The following MAGI1 variants were observed in gnomAD, a reference collection of about 807,000 sequenced individuals.
MAGI1 encodes membrane associated guanylate kinase, WW and PDZ domain containing 1, also known as membrane-associated guanylate kinase, WW and PDZ domain-containing protein 1.
A neutral mutation model predicts 139.9 loss-of-function variants in MAGI1; 58 were observed. The ratio of observed to expected loss-of-function variants is 0.41; its 90% CI spans 0.34 to 0.52. MAGI1 has a LOEUF of 0.52. Ranked by LOEUF, MAGI1 falls within the 20% of genes least tolerant of loss-of-function variation. MAGI1 has a pLI of 0.12. For missense variants in MAGI1, 1,874 were observed against 1,901.6 expected, an observed-to-expected ratio of 0.99 and a Z score of 0.27; for synonymous variants, 812 against 737.9, an observed-to-expected ratio of 1.10 and a Z score of -1.63.
At chr3:66,020,643 A>G (rs1040718730) in intron 1 of MAGI1, among the ~76,000 whole-genome samples, 1 of 152,182 alleles carries the variant, frequency 6.6e-6, no homozygotes, top group Non-Finnish European at 1.5e-5. Context: ...TCTAAGTTAT[A>G]TGCATCAGTT....
chr3:65,746,288 C>G (rs1020728875), intron 1 of MAGI1, among the ~76,000 whole-genome samples: 55 of 152,156 alleles, frequency 3.6e-4, no homozygotes, highest in Non-Finnish European at 5.9e-5. Context: ...CCTGCCTTGG[C>G]CTTCCAAAGT....
chr3:65,488,142 C>T (rs1285001807), intron 3 of MAGI1, among the ~76,000 whole-genome samples: 1 of 152,064 alleles, frequency 6.6e-6, no homozygotes, highest in African/African-American at 2.4e-5. Context: ...ATCATCACAT[C>T]GTTCTCTGTG....
intron 2 of MAGI1, among the ~76,000 whole-genome samples, chr3:65,580,068 T>C (rs555653239): frequency 6.6e-6 from 1 of 152,290 alleles, no homozygotes; most frequent in South Asian, 2.1e-4. Flanking sequence ...CTTAACTCCA[T>C]ATTAAATAAA....
chr3:65,687,337 C>T (rs959451133), intron 1 of MAGI1: 1 of 247,584 alleles, frequency 4.0e-6, no homozygotes, highest in Non-Finnish European at 8.6e-6. Context: ...GTGGTGGACA[C>T]TTGGGCTCCA....
chr3:65,748,560 G>T (rs1306209020), intron 1 of MAGI1, among the ~76,000 whole-genome samples: 1 of 152,182 alleles, frequency 6.6e-6, no homozygotes, highest in Admixed American at 6.5e-5. Flanking sequence ...AACACAGTGA[G>T]GGGCAGGCTA....
At chr3:65,844,935 T>C (rs1197844078) in intron 1 of MAGI1, among the ~76,000 whole-genome samples, 1 of 152,154 alleles carries the variant, frequency 6.6e-6, no homozygotes, top group Non-Finnish European at 1.5e-5. Context: ...TTCCTTCATC[T>C]GAGTATTTCC....
rs909810345 is a variant in MAGI1, at chr3:65,580,521, A to C, written c.430+41451T>G. The stretch of plus-strand genomic sequence containing the variant: ...CAGAATAAAAAGAATCCTCTGAACC[A>C]GTTCTTCCTTACTCCTAACACAGGT... On this transcript the variant is annotated intron_variant, in intron 2 of 22. Transcript: ENST00000402939. Among the ~76,000 whole-genome samples the C allele has an allele frequency of 6.0e-4, 92 of 152,330 alleles. 1 individual carries two copies. Among genetic ancestry groups the C allele is most frequent in the African/African-American group, 2.1e-3 (86 of 41,570 alleles).
intron 2 of MAGI1, among the ~76,000 whole-genome samples, chr3:65,547,758 T>C (rs1248436805): frequency 6.6e-6 from 1 of 152,188 alleles, no homozygotes; most frequent in Admixed American, 6.5e-5. Context: ...GAAGAGCTGA[T>C]AGCAGTGTTT....
rs1044680713 is a variant in MAGI1 at position 65,744,453 on chromosome 3, T to C, written c.314-122365A>G. 7.9e-5 allele frequency among the ~76,000 whole-genome samples: 12 copies of C among 152,212 alleles called. No homozygotes were observed. In the East Asian group the frequency reaches 2.1e-3, roughly 27 times the overall value. ...AATAAATGAAATGGGGAAGTCAGCA[T>C]AACAAGAATAGGCTGAGAAAGATTA... On this transcript the variant is annotated intron_variant, in intron 1 of 22. Transcript: ENST00000402939.
intron 1 of MAGI1, among the ~76,000 whole-genome samples, chr3:65,839,590 A>T (rs1233163588): frequency 6.6e-6 from 1 of 152,180 alleles, no homozygotes; most frequent in East Asian, 1.9e-4. Flanking sequence ...ATCTTTAAAT[A>T]AAAATTAACT....
chr3:65,478,937 G>T, intron 3 of MAGI1, 139 bp from the exon 4 acceptor site: 1 of 662,768 alleles, frequency 1.5e-6, no homozygotes, highest in Non-Finnish European at 2.6e-6. Flanking sequence ...TTTATTTCTG[G>T]AGTGGGTTAG....
At chr3:65,444,078 C>T (rs148938811) in intron 7 of MAGI1, among the ~76,000 whole-genome samples, 1 of 152,246 alleles carries the variant, frequency 6.6e-6, no homozygotes, top group African/African-American at 2.4e-5. Flanking sequence ...AGTTTTTGCT[C>T]CACATGTTAC....
chr3:65,786,251 CTTT>C lies in MAGI1; in HGVS notation c.314-164166_314-164164del, dbSNP rs3077812. On this transcript the variant is annotated intron_variant, in intron 1 of 22. Coordinates refer to ENST00000402939, the MANE Select transcript of MAGI1 (RefSeq NM_001033057.2). ...GATTACCACGCCCAGCCAATCATAA[CTTT>C]TTTTTTTTTTTTTTTTGCCTTGAAA... Among the ~76,000 whole-genome samples the C allele has an allele frequency of 1.4e-3, 164 of 114,808 alleles. 1 individual carries two copies. Among genetic ancestry groups the C allele is most frequent in the East Asian group, 3.1e-3 (12 of 3,832 alleles). 75.3% of individuals were successfully genotyped at this position (114,808 alleles called of 152,430 possible). A position where few individuals can be genotyped will look rare whatever the true frequency, so the allele number is the denominator to read the frequency against.
rs1440780944 is a variant in MAGI1 at position 66,028,062 on chromosome 3, T to C, written c.313+9934A>G. On this transcript the variant is annotated intron_variant, in intron 1 of 22. Coordinates refer to ENST00000402939, the MANE Select transcript of MAGI1 (RefSeq NM_001033057.2). Reference sequence around the variant, plus strand: ...GCTCATGCCTGTAATCCCAGCACTTTGGGAGGCCAAGGCAGGCAGATCGCT... The same window carrying C: ...GCTCATGCCTGTAATCCCAGCACTTCGGGAGGCCAAGGCAGGCAGATCGCT... 1.6e-4 allele frequency among the ~76,000 whole-genome samples: 25 copies of C among 152,284 alleles called. 1 individual carries two copies. Among genetic ancestry groups the C allele is most frequent in the Admixed American group, 1.6e-3 (25 of 15,304 alleles).
At chr3:65,965,850 C>T (rs929758247) in intron 1 of MAGI1, among the ~76,000 whole-genome samples, 6 of 152,072 alleles carry the variant, frequency 3.9e-5, no homozygotes, top group Non-Finnish European at 7.4e-5. Flanking sequence ...GATGGGATTT[C>T]GCCATGTTGG....
rs748893574 is a variant in MAGI1, at chr3:66,038,280, TG to T, written c.28del (p.His10ThrfsTer11). The stretch of plus-strand genomic sequence containing the variant: ...GCATTCGTGAACCCTGCTAGTCCAG[TG>T]GTTCTTCTTCTGGATCACTTTGGAC... MSKVIQKKNHWTSRVHECTV... is the reference protein window; with the variant it reads MSKVIQKKNXWTSRVHECTV... On this transcript the variant is annotated frameshift_variant, in exon 1 of 23. Coordinates refer to ENST00000402939, the MANE Select transcript of MAGI1 (RefSeq NM_001033057.2). LOFTEE classifies it high-confidence loss of function. The T allele has an allele frequency of 3.8e-6, 6 of 1,597,858 alleles. No homozygotes were observed. Among genetic ancestry groups the T allele is most frequent in the Non-Finnish European group, 5.1e-6 (6 of 1,171,440 alleles).
intron 1 of MAGI1, among the ~76,000 whole-genome samples, chr3:65,911,095 C>A (rs1348288019): frequency 2.6e-5 from 4 of 151,246 alleles, no homozygotes; most frequent in Non-Finnish European, 5.9e-5. Flanking sequence ...TGACCTCAGG[C>A]GATCCGCCTG....
At chr3:65,548,224 C>T (rs566533073) in intron 2 of MAGI1, among the ~76,000 whole-genome samples, 3 of 152,170 alleles carry the variant, frequency 2.0e-5, no homozygotes, top group Non-Finnish European at 4.4e-5. Flanking sequence ...GAAACTAGAG[C>T]CATGGGGTAT....
intron 12 of MAGI1, among the ~76,000 whole-genome samples, chr3:65,404,454 T>C (rs1435725035): frequency 6.6e-6 from 1 of 152,298 alleles, no homozygotes; most frequent in Non-Finnish European, 1.5e-5. Context: ...TGCCGGCTAG[T>C]TGCTGAAAAC....
Sources: gnomAD v4.1 joint callset for allele counts (sites outside exome capture counted in the v4.1 genomes callset) on GRCh38, gnomAD v4.1.1 for gene constraint, MANE v1.5 for transcripts, NCBI Gene and HGNC (gene_info 2026-07-23, HGNC 2026-07-21) for gene names.